The following PLOD2 variants were observed in gnomAD, a reference collection of about 807,000 sequenced individuals.
PLOD2 encodes procollagen-lysine,2-oxoglutarate 5-dioxygenase 2.
A neutral mutation model predicts 101.0 loss-of-function variants in PLOD2; 65 were observed. That is an observed-to-expected ratio of 0.64 (90% CI 0.53 to 0.79). The LOEUF (loss-of-function observed/expected upper bound fraction) is 0.79. Ranked by LOEUF, PLOD2 falls within the 30% of genes least tolerant of loss-of-function variation. The pLI is 0.00. For synonymous variants in PLOD2, 314 were observed against 302.9 expected, an observed-to-expected ratio of 1.04 and a Z score of -0.38; for missense variants, 909 against 914.6, an observed-to-expected ratio of 0.99 and a Z score of 0.08.
At chr3:146,112,509 G>A (rs1285751485) in intron 3 of PLOD2, among the ~76,000 whole-genome samples, 3 of 151,586 alleles carry the variant, frequency 2.0e-5, no homozygotes, top group Admixed American at 6.6e-5. Context: ...TGGGCGGGGG[G>A]CAAGGAGAGG....
chr3:146,141,112 T>A (rs1237999580), intron 1 of PLOD2, among the ~76,000 whole-genome samples: 1 of 152,078 alleles, frequency 6.6e-6, no homozygotes, highest in Non-Finnish European at 1.5e-5. Context: ...ATACACAGTA[T>A]GAACAAATGA....
At chr3:146,119,661 C>T (rs555507329) in intron 3 of PLOD2, among the ~76,000 whole-genome samples, 8 of 152,064 alleles carry the variant, frequency 5.3e-5, no homozygotes, top group African/African-American at 1.9e-4. Flanking sequence ...TCTCATTGTT[C>T]AATTCCCACC....
At chr3:146,154,793 C>G (rs2032224314) in intron 1 of PLOD2, among the ~76,000 whole-genome samples, 1 of 152,008 alleles carries the variant, frequency 6.6e-6, no homozygotes, top group Non-Finnish European at 1.5e-5. Context: ...CTAAAACAAT[C>G]AAGGCCTGAA....
At chr3:146,115,043 G>A (rs369356408) in intron 3 of PLOD2, among the ~76,000 whole-genome samples, 136 of 152,212 alleles carry the variant, frequency 8.9e-4, no homozygotes, top group African/African-American at 3.0e-3. Context: ...CTGGTTTTGC[G>A]GCTTGGGGGG....
intron 8 of PLOD2, among the ~76,000 whole-genome samples, chr3:146,089,876 C>T (rs565330847): frequency 2.0e-5 from 3 of 151,290 alleles, no homozygotes; most frequent in Non-Finnish European, 3.0e-5. Flanking sequence ...TACATAAAAG[C>T]CTTAGAGGTT....
intron 1 of PLOD2, among the ~76,000 whole-genome samples, chr3:146,147,974 A>T (rs781214956): frequency 2.3e-4 from 35 of 152,186 alleles, no homozygotes; most frequent in Admixed American, 7.9e-4. Context: ...AAAACAAGAA[A>T]GATTCTGATT....
At chr3:146,158,356 G>GT (rs2032402818) in intron 1 of PLOD2, among the ~76,000 whole-genome samples, 1 of 152,052 alleles carries the variant, frequency 6.6e-6, no homozygotes, top group South Asian at 2.1e-4. Context: ...TAAGAATAAA[G>GT]TGGCAACCAA....
At chr3:146,129,384 T>G (rs930034022) in intron 1 of PLOD2, among the ~76,000 whole-genome samples, 1 of 152,188 alleles carries the variant, frequency 6.6e-6, no homozygotes, top group African/African-American at 2.4e-5. Context: ...GGGCCAGAAT[T>G]GGCCTAAGGG....
intron 15 of PLOD2, among the ~76,000 whole-genome samples, chr3:146,074,788 G>T (rs1055127886): frequency 1.3e-4 from 19 of 151,358 alleles, no homozygotes; most frequent in African/African-American, 4.6e-4. Flanking sequence ...TCAAATCATT[G>T]AGCAAACTGT....
chr3:146,108,697 TAAACTGACTTAC>T (rs1285268731), intron 4 of PLOD2, among the ~76,000 whole-genome samples: 1 of 152,202 alleles, frequency 6.6e-6, no homozygotes, highest in Non-Finnish European at 1.5e-5. Flanking sequence ...TTTCCTTAAT[TAAACTGACTTAC>T]AACTGCACTT....
At chr3:146,125,164 A>G (rs2030477635) in intron 1 of PLOD2, among the ~76,000 whole-genome samples, 1 of 152,148 alleles carries the variant, frequency 6.6e-6, no homozygotes, top group East Asian at 1.9e-4. Context: ...TTCTCTGAGT[A>G]ACATCATTTG....
At chr3:146,076,741 C>G (rs1289851018) in intron 15 of PLOD2, 41 bp downstream of exon 15, 1 of 949,924 alleles carries the variant, frequency 1.1e-6, no homozygotes. Context: ...TAACCACTTA[C>G]AGTTATAGAA....
chr3:146,143,248 A>G lies in PLOD2; in HGVS notation c.109+17633T>C, dbSNP rs139967873. 7.0e-3 allele frequency among the ~76,000 whole-genome samples: 1,067 copies of G among 152,210 alleles called. 4 individuals are homozygous for G. Among genetic ancestry groups the G allele is most frequent in the South Asian group, 0.026 (126 of 4,822 alleles). ...TAATAGTAAGTATTAAAATAAGAGTAAAGCAGTCACCAGAGTAACTCGTGT... is the reference window on the plus strand; with the variant it reads ...TAATAGTAAGTATTAAAATAAGAGTGAAGCAGTCACCAGAGTAACTCGTGT... On this transcript the variant is annotated intron_variant, in intron 1 of 19. Coordinates refer to ENST00000282903, the MANE Select transcript of PLOD2 (RefSeq NM_182943.3).
chr3:146,097,236 G>A lies in PLOD2; in HGVS notation c.778-5335C>T, dbSNP rs1182791680. 3.6e-3 allele frequency among the ~76,000 whole-genome samples: 447 copies of A among 122,782 alleles called. 1 individual carries two copies. The highest frequency in any genetic ancestry group is 0.012 in the African/African-American group (407 of 34,382). The allele number at this position is 122,782 out of a possible 152,430, so 80.5% of individuals were successfully genotyped here. A position where few individuals can be genotyped will look rare whatever the true frequency, so the allele number is the denominator to read the frequency against. ...CCGGGAGGTGAGGGGCGCTTCTGCC[G>A]GGCCGCCCCTACTGGGAAGTGAGGA... On this transcript the variant is annotated intron_variant, in intron 7 of 19. Coordinates refer to ENST00000282903, the MANE Select transcript of PLOD2 (RefSeq NM_182943.3).
chr3:146,107,325 A>G (rs1044661592), intron 4 of PLOD2, among the ~76,000 whole-genome samples: 1 of 152,200 alleles, frequency 6.6e-6, no homozygotes, highest in Non-Finnish European at 1.5e-5. Flanking sequence ...ACCGCCAATA[A>G]CATTTGTCTA....
Position 146,124,709 on chromosome 3 carries a change from A to G in PLOD2, c.110-480T>C, listed in dbSNP as rs115919558. ...TTAAATCTGATTCTAATTTTCTAAA[A>G]TAAATTGTGACAACTGGGAGCAAAT... On this transcript the variant is annotated intron_variant, in intron 1 of 19. Coordinates refer to ENST00000282903, the MANE Select transcript of PLOD2 (RefSeq NM_182943.3). Among the ~76,000 whole-genome samples the G allele has an allele frequency of 5.5e-3, 833 of 152,264 alleles. 8 individuals carry two copies. Among genetic ancestry groups the G allele is most frequent in the African/African-American group, 0.019 (793 of 41,578 alleles).
At chr3:146,112,998 A>C (rs1400774838) in intron 3 of PLOD2, among the ~76,000 whole-genome samples, 3 of 152,184 alleles carry the variant, frequency 2.0e-5, no homozygotes, top group African/African-American at 7.2e-5. Flanking sequence ...AAAAATTAAA[A>C]AAAGTTATAA....
At chr3:146,110,218 T>A in intron 4 of PLOD2, 67 bp downstream of exon 4, 1 of 1,358,062 alleles carries the variant, frequency 7.4e-7, no homozygotes, top group Non-Finnish European at 1.1e-6. Flanking sequence ...TTACTACATC[T>A]ACAAAAATGG....
intron 1 of PLOD2, among the ~76,000 whole-genome samples, chr3:146,128,880 CTTTTTTTTTTTTTTTTT>C (rs3975816): frequency 1.4e-5 from 1 of 73,180 alleles, no homozygotes; most frequent in African/African-American, 5.4e-5. Context: ...ATCTGAAATC[CTTTTTTTTTTTTTTTTT>C]TTTTTTTTTT....
Sources: allele counts gnomAD v4.1 joint callset (sites outside exome capture counted in the v4.1 genomes callset), GRCh38; gene constraint gnomAD v4.1.1; transcripts MANE v1.5; gene names NCBI Gene and HGNC (gene_info 2026-07-23, HGNC 2026-07-21).